NR1I3: variants seen among roughly 807,000 people sequenced by gnomAD.
NR1I3 encodes nuclear receptor subfamily 1 group I member 3, also known as constitutive activator of retinoid response.
A neutral mutation model predicts 38.4 loss-of-function variants in NR1I3; 30 were observed. The ratio of observed to expected loss-of-function variants is 0.78; its 90% CI spans 0.58 to 1.06. The LOEUF (loss-of-function observed/expected upper bound fraction) is 1.06, where lower values mean the gene tolerates loss of function less well. NR1I3 is among the 50% of genes least tolerant of loss of function. The pLI, the probability that NR1I3 is intolerant of heterozygous loss-of-function variation, is 0.00. For synonymous variants in NR1I3, 143 were observed against 165.1 expected, an observed-to-expected ratio of 0.87 and a Z score of 1.03; for missense variants, 388 against 435.7, an observed-to-expected ratio of 0.89 and a Z score of 0.97.
chr1:161,237,952 G>A lies in NR1I3; in HGVS notation c.-34+89C>T, dbSNP rs952908854. On this transcript the variant is annotated intron_variant, in intron 1 of 8. Transcript: ENST00000367983. ...CCCCACCTTGGCCTCCCAAAGTGCT[G>A]GAATGACACACGTGAGCCACTATGC... The A allele has an allele frequency of 1.7e-4, 223 of 1,337,718 alleles. 4 individuals carry two copies. In the South Asian group the frequency reaches 2.4e-3, roughly 15 times the overall value. The allele number at this position is 1,337,718 out of a possible 1,614,324, so 82.9% of individuals were successfully genotyped here.
Position 161,231,468 on chromosome 1 carries a change from C to A in NR1I3, c.555G>T (p.Leu185=), listed in dbSNP as rs754170136. The change falls in exon 6 of 9, where the codon CTG becomes CTT. Residue 185 remains leucine (L), a synonymous_variant. Coordinates refer to ENST00000367983, the MANE Select transcript of NR1I3 (RefSeq NM_005122.5). ...FTKDLPVFRS[L]PIEDQISLLK... ...GAAGGGAGATCTGGTCTTCAATGGG[C>A]AGGGAACTGTGGAAAGCAGGAAACA... 5.7e-6 allele frequency: 9 copies of A among 1,576,552 alleles called. No homozygotes were observed. The highest frequency in any genetic ancestry group is 7.7e-6 in the Non-Finnish European group (9 of 1,171,054).
intron 5 of NR1I3, 31 bp from the exon 6 acceptor site, chr1:161,231,505 CA>C: frequency 6.4e-7 from 1 of 1,571,198 alleles, no homozygotes; most frequent in Non-Finnish European, 8.5e-7. Context: ...GGACACTTTT[CA>C]ATTTTTTTTT....
intron 3 of NR1I3, 116 bp from the exon 4 acceptor site, chr1:161,233,454 G>T (rs2102154802): frequency 9.0e-7 from 1 of 1,110,606 alleles, no homozygotes; most frequent in Non-Finnish European, 1.3e-6. Context: ...GGGGGCAGTG[G>T]GGGGAATTCC....
chr1:161,236,689 C>T (rs1314465910), intron 1 of NR1I3, 91 bp from the exon 2 acceptor site: 2 of 1,332,580 alleles, frequency 1.5e-6, no homozygotes, highest in African/African-American at 1.5e-5. Context: ...CCAAACCAAA[C>T]ATGCCCTTGA....
At position 161,238,098 on chromosome 1, in the gene NR1I3, C is replaced by G. The variant is rs994269164; in HGVS notation, c.-91G>C. On this transcript the variant is annotated 5_prime_UTR_variant, in exon 1 of 9. Transcript: ENST00000367983. ...CCACAGAATCTGGTATGGAATGCCTCTCCCCAAACTCCCACGCTGTTGCTG... is the reference window on the plus strand; with the variant it reads ...CCACAGAATCTGGTATGGAATGCCTGTCCCCAAACTCCCACGCTGTTGCTG... The G allele has an allele frequency of 1.9e-6, 3 of 1,612,964 alleles. No homozygotes were observed. The highest frequency in any genetic ancestry group is 2.7e-5 in the African/African-American group (2 of 75,056).
chr1:161,231,477 G>A lies in NR1I3; in HGVS notation c.549-3C>T, dbSNP rs779432234. 3 of 1,575,612 alleles carry A rather than the reference G, an allele frequency of 1.9e-6. No individual in the cohort carries two copies. The highest frequency in any genetic ancestry group is 8.5e-7 in the Non-Finnish European group (1 of 1,170,902). ...TCTGGTCTTCAATGGGCAGGGAACT[G>A]TGGAAAGCAGGAAACAAGGACACTT... On this transcript the variant is annotated splice_polypyrimidine_tract_variant and splice_region_variant and intron_variant, in intron 5 of 8. Coordinates refer to ENST00000367983, the MANE Select transcript of NR1I3 (RefSeq NM_005122.5).
rs1415738715 is a variant in NR1I3, at chr1:161,233,159, C to T, written c.408+10G>A. On this transcript the variant is annotated intron_variant, in intron 4 of 8. Coordinates refer to ENST00000367983, the MANE Select transcript of NR1I3 (RefSeq NM_005122.5). Reference sequence around the variant, plus strand: ...AGTTGTATTCCAACCCAAATCCTGTCGGTGCTCACCCTAAACTGCACAAAC... The same window carrying T: ...AGTTGTATTCCAACCCAAATCCTGTTGGTGCTCACCCTAAACTGCACAAAC... 9.3e-6 allele frequency: 15 copies of T among 1,611,250 alleles called. No individual in the cohort carries two copies. The highest frequency in any genetic ancestry group is 4.4e-5 in the South Asian group (4 of 91,028).
At chr1:161,233,076 G>T (rs1667714182) in intron 4 of NR1I3, 93 bp downstream of exon 4, 1 of 1,576,090 alleles carries the variant, frequency 6.3e-7, no homozygotes. Flanking sequence ...TCTGTTCTCA[G>T]TATCAGTGCA....
In NR1I3 at chr1:161,237,959, C is replaced by G; in HGVS notation, c.-34+82G>C. 6 of 1,380,398 alleles carry G rather than the reference C, an allele frequency of 4.3e-6. No individual in the cohort carries two copies. The South Asian group carries it at 5.8e-5, about 13-fold the overall frequency. The allele number at this position is 1,380,398 out of a possible 1,614,324, so 85.5% of individuals were successfully genotyped here. A position where few individuals can be genotyped will look rare whatever the true frequency, so the allele number is the denominator to read the frequency against. On this transcript the variant is annotated intron_variant, in intron 1 of 8. Transcript: ENST00000367983. The stretch of plus-strand genomic sequence containing the variant: ...TTGGCCTCCCAAAGTGCTGGAATGA[C>G]ACACGTGAGCCACTATGCCTAGCCC...
intron 3 of NR1I3, 44 bp downstream of exon 3, chr1:161,235,799 AAGAC>A: frequency 6.2e-7 from 1 of 1,612,078 alleles, no homozygotes; most frequent in Non-Finnish European, 8.5e-7. Context: ...AACAAGGACA[AAGAC>A]AGACGCAGTC....
At chr1:161,234,292 T>G (rs1668132434) in intron 3 of NR1I3, among the ~76,000 whole-genome samples, 1 of 151,778 alleles carries the variant, frequency 6.6e-6, no homozygotes, top group African/African-American at 2.4e-5. Flanking sequence ...CGTGAGCCAC[T>G]GCACCCAGCC....
At chr1:161,233,439 A>G (rs1667801143) in intron 3 of NR1I3, 101 bp from the exon 4 acceptor site, 2 of 1,251,638 alleles carry the variant, frequency 1.6e-6, no homozygotes, top group African/African-American at 3.0e-5. Context: ...TGCACAACGA[A>G]GGATGGGGGC....
Position 161,235,860 on chromosome 1 carries a change from G to T in NR1I3, c.225C>A (p.Gly75=), listed in dbSNP as rs1482677903. 3 of 1,614,098 alleles carry T rather than the reference G, an allele frequency of 1.9e-6. No individual in the cohort carries two copies. The highest frequency in any genetic ancestry group is 2.5e-6 in the Non-Finnish European group (3 of 1,179,970). ...GGGCCAACTCACTGTCTTTCCTCAT[G>T]CCAGCATCTAAGCACTTCTGCAACC... ...ACRLQKCLDA[G]MRKDMILSAE... The change falls in exon 3 of 9, where the codon GGC becomes GGA. Residue 75 remains glycine (G), a synonymous_variant. Coordinates refer to ENST00000367983, the MANE Select transcript of NR1I3 (RefSeq NM_005122.5).
intron 1 of NR1I3, 117 bp from the exon 2 acceptor site, chr1:161,236,715 T>A (rs916388874): frequency 1.2e-5 from 13 of 1,070,408 alleles, no homozygotes; most frequent in East Asian, 2.8e-5. Context: ...TCCCTGGCGT[T>A]ATCTTTTGTG....
At chr1:161,235,064 G>A (rs567835537) in intron 3 of NR1I3, among the ~76,000 whole-genome samples, 3 of 151,608 alleles carry the variant, frequency 2.0e-5, no homozygotes, top group Admixed American at 6.6e-5. Flanking sequence ...TCACTTGAAC[G>A]CAGGAGGCGG....
chr1:161,236,668 C>T (rs1243962733), intron 1 of NR1I3, 70 bp from the exon 2 acceptor site: 81 of 1,505,634 alleles, frequency 5.4e-5, no homozygotes, highest in Non-Finnish European at 7.1e-5. Flanking sequence ...TCTAGAGAGT[C>T]TCTTTCCAAA....
At position 161,232,943 on chromosome 1, in the gene NR1I3, G is replaced by A. The variant is rs1667689286; in HGVS notation, c.412C>T (p.Pro138Ser). ...MFEQFVQFRPPAHLFIHHQPL... is the reference protein window; with the variant it reads ...MFEQFVQFRPSAHLFIHHQPL... ...TGGTGATGGATGAACAGATGAGCTG[G>A]AGGCTGCAATGATCAGAACATTAGC... Residue 138 changes from proline to serine, a missense_variant, in exon 5 of 9, where the codon CCA becomes TCA. Pro to Ser is a moderately conservative substitution (Grantham distance 74). Transcript: ENST00000367983. The A allele has an allele frequency of 6.2e-7, 1 of 1,614,198 alleles. No individual in the cohort carries two copies. The highest frequency in any genetic ancestry group is 8.5e-7 in the Non-Finnish European group (1 of 1,180,034).
At chr1:161,237,729 A>AAAAAAACAAAAC (rs1260095025) in intron 1 of NR1I3, among the ~76,000 whole-genome samples, 130 of 147,246 alleles carry the variant, frequency 8.8e-4, no homozygotes, top group Middle Eastern at 3.6e-3. Flanking sequence ...AAAAAAACCC[A>AAAAAAACAAAAC]AAAAAACAAA....
rs971545687 is a variant in NR1I3, at chr1:161,229,684, A to G, written c.*113T>C. ...GAGGCAGTTATTGCTTTAGTCTTTCATTGCAACCACTGGGCTCCCTTTGAA... is the reference window on the plus strand; with the variant it reads ...GAGGCAGTTATTGCTTTAGTCTTTCGTTGCAACCACTGGGCTCCCTTTGAA... On this transcript the variant is annotated 3_prime_UTR_variant, in exon 9 of 9. Transcript: ENST00000367983. 2 of 1,613,902 alleles carry G rather than the reference A, an allele frequency of 1.2e-6. No homozygotes were observed. Among genetic ancestry groups the G allele is most frequent in the Admixed American group, 1.7e-5 (1 of 60,008 alleles).
Sources: gnomAD v4.1 joint callset for allele counts (sites outside exome capture counted in the v4.1 genomes callset) on GRCh38, gnomAD v4.1.1 for gene constraint, MANE v1.5 for transcripts, NCBI Gene and HGNC (gene_info 2026-07-23, HGNC 2026-07-21) for gene names.